Variants in ZSCAN31 observed in about 807,000 individuals in gnomAD.
The protein encoded by ZSCAN31 is zinc finger and SCAN domain-containing protein 31.
A neutral mutation model predicts 22.5 loss-of-function variants in ZSCAN31; 14 were observed. The observed-to-expected ratio is 0.62, with a 90% CI of 0.41 to 0.97. The LOEUF is 0.97. Among genes scored for constraint, ZSCAN31 ranks in the 50% least tolerant of loss-of-function variants. The pLI is 0.00. For missense variants in ZSCAN31, 424 were observed against 483.4 expected (o/e 0.88, Z 1.15); for synonymous variants, 168 against 169.8 (o/e 0.99, Z 0.08).
Position 28,327,603 on chromosome 6 carries a change from A to G in ZSCAN31, c.382-70T>C, listed in dbSNP as rs1763399165. Reference sequence around the variant, plus strand: ...AGTACAAGCTAATACTAAATGAAAGATATCACATGGAACTATATGAAACAT... The same window carrying G: ...AGTACAAGCTAATACTAAATGAAAGGTATCACATGGAACTATATGAAACAT... On this transcript the variant is annotated intron_variant, in intron 2 of 3. Transcript: ENST00000344279. 17 of 1,493,048 alleles carry G rather than the reference A, an allele frequency of 1.1e-5. No homozygotes were observed. The South Asian group carries it at 1.8e-4, about 16-fold the overall frequency. 92.5% of individuals were successfully genotyped at this position (1,493,048 alleles called of 1,614,324 possible).
In ZSCAN31 at chr6:28,331,888, T is replaced by G. The variant is rs1315689409; in HGVS notation, c.-95-2110A>C. Among the ~76,000 whole-genome samples, 1 of 152,184 alleles carries G rather than the reference T, an allele frequency of 6.6e-6. No homozygotes were observed. The highest frequency in any genetic ancestry group is 1.5e-5 in the Non-Finnish European group (1 of 68,030). ...TACCCAAAGCCACAGGTGGAGTATT[T>G]CTCCATCAATTGTATTCTTCTCCCC... On this transcript the variant is annotated intron_variant, in intron 1 of 3. Transcript: ENST00000344279. The surrounding 1 kb of genome is among the most constrained non-coding windows in gnomAD (Gnocchi z 4.8).
intron 2 of ZSCAN31, chr6:28,350,403 C>T (rs1764917911): frequency 6.6e-6 from 1 of 152,196 alleles, no homozygotes; most frequent in South Asian, 2.1e-4. Flanking sequence ...GTTTCAAGGT[C>T]TTTAAATTAT....
chr6:28,344,430 A>G (rs894362654), intron 2 of ZSCAN31, among the ~76,000 whole-genome samples: 1 of 152,200 alleles, frequency 6.6e-6, no homozygotes. Context: ...GGACTAGAGG[A>G]CAGATAAGCT....
intron 2 of ZSCAN31, among the ~76,000 whole-genome samples, chr6:28,342,236 A>G (rs1246466792): frequency 6.6e-6 from 1 of 152,230 alleles, no homozygotes; most frequent in Non-Finnish European, 1.5e-5. Context: ...CAGAGAGCTA[A>G]TTGGAAAGGA....
Position 28,326,759 on chromosome 6 carries a change from C to G in ZSCAN31, c.628G>C (p.Val210Leu). 1 of 1,613,810 alleles carries G rather than the reference C, an allele frequency of 6.2e-7. No individual in the cohort carries two copies. Among genetic ancestry groups the G allele is most frequent in the Non-Finnish European group, 8.5e-7 (1 of 1,179,846 alleles). The change falls in exon 4 of 4, where the codon GTA becomes CTA. Residue 210 changes from valine to leucine, a missense_variant. Val to Leu is a conservative substitution (Grantham distance 32, BLOSUM62 1). Transcript: ENST00000344279. ...HLGDSKLQRD[V>L]SLDSKYRETC... ...TCTCTGTACTTAGAATCCAAAGATA[C>G]ATCTCTTTGGAGTTTGCTATCCCCC...
At position 28,343,732 on chromosome 6, in the gene ZSCAN31, G is replaced by C. The variant is rs527540051; in HGVS notation, c.-370-1940C>G. ...TTTAGTAGAAACGGGGTTTCACCGT[G>C]TTAGCCAGGATAGTCTTGATCTCCT... On this transcript the variant is annotated intron_variant, in intron 2 of 7. Coordinates refer to the ZSCAN31 transcript ENST00000396838. Among the ~76,000 whole-genome samples, 10 of 151,968 alleles carry C rather than the reference G, an allele frequency of 6.6e-5. No individual in the cohort carries two copies. In the East Asian group the frequency reaches 1.2e-3, roughly 18 times the overall value.
intron 2 of ZSCAN31, among the ~76,000 whole-genome samples, chr6:28,348,305 T>TA (rs535320889): frequency 9.8e-4 from 149 of 152,228 alleles, no homozygotes; most frequent in Admixed American, 2.5e-3. Context: ...CTTGAGCTCA[T>TA]AAAAAAATGA....
intron 1 of ZSCAN31, among the ~76,000 whole-genome samples, chr6:28,334,034 T>C (rs1763954760): frequency 6.6e-6 from 1 of 152,120 alleles, no homozygotes; most frequent in Non-Finnish European, 1.5e-5. Flanking sequence ...TAGAAAGACT[T>C]CCACTTAGTT....
At position 28,327,542 on chromosome 6, in the gene ZSCAN31, A is replaced by C. The variant is rs1247866639; in HGVS notation, c.382-9T>G. ...TGTTCATGGTCTGGAGCCTGAAGGC[A>C]GGTAGGCATATTTGGTTAAAGAGGG... On this transcript the variant is annotated splice_polypyrimidine_tract_variant and intron_variant, in intron 2 of 3. Coordinates refer to ENST00000344279, the MANE Select transcript of ZSCAN31 (RefSeq NM_030899.5). 13 of 1,611,332 alleles carry C rather than the reference A, an allele frequency of 8.1e-6. No individual in the cohort carries two copies. Among genetic ancestry groups the C allele is most frequent in the Non-Finnish European group, 1.1e-5 (13 of 1,179,978 alleles).
chr6:28,350,548 A>C (rs912390497), intron 2 of ZSCAN31, among the ~76,000 whole-genome samples: 1 of 152,196 alleles, frequency 6.6e-6, no homozygotes, highest in African/African-American at 2.4e-5. Context: ...TATTTTGTAA[A>C]ATGGGGATAA....
Position 28,351,780 on chromosome 6 carries a change from C to T in ZSCAN31, c.-371+2082G>A, listed in dbSNP as rs1025520775. On this transcript the variant is annotated intron_variant, in intron 2 of 7. Coordinates refer to the ZSCAN31 transcript ENST00000396838. The surrounding 1 kb of genome is among the most constrained non-coding windows in gnomAD (Gnocchi z 4.6). ...TTTTTTTTCCTCATTTCGTCCCTCT[C>T]TTCTCTTTCATTTTATAGCAAATTG... is the stretch of plus-strand genomic sequence containing the variant. Among the ~76,000 whole-genome samples, 3 of 151,584 alleles carry T rather than the reference C, an allele frequency of 2.0e-5. No individual in the cohort carries two copies. The highest frequency in any genetic ancestry group is 4.4e-5 in the Non-Finnish European group (3 of 67,992).
intron 1 of ZSCAN31, among the ~76,000 whole-genome samples, chr6:28,332,076 C>T (rs566217405): frequency 2.0e-4 from 30 of 152,196 alleles, no homozygotes; most frequent in Admixed American, 1.8e-3. Flanking sequence ...TTCATCAAGC[C>T]ATGGTAAGGA....
intron 2 of ZSCAN31, chr6:28,353,213 C>T (rs2113895284): frequency 6.5e-6 from 1 of 152,738 alleles, no homozygotes; most frequent in East Asian, 1.9e-4. Context: ...ATGATGTGCC[C>T]ACCTCAGCCT....
At chr6:28,344,094 T>C (rs999550176) in intron 2 of ZSCAN31, among the ~76,000 whole-genome samples, 1 of 152,180 alleles carries the variant, frequency 6.6e-6, no homozygotes, top group Non-Finnish European at 1.5e-5. Flanking sequence ...TAATGTATTA[T>C]TCAGACCACA....
upstream of ZSCAN31, among the ~76,000 whole-genome samples, chr6:28,339,330 T>C (rs79419345): frequency 0.022 from 3,368 of 152,334 alleles, 183 homozygotes; most frequent in East Asian, 0.23. Flanking sequence ...GGAGTCATGC[T>C]CTATTTCCCA....
chr6:28,340,796 A>G (rs1201626218), upstream of ZSCAN31, among the ~76,000 whole-genome samples: 1 of 152,216 alleles, frequency 6.6e-6, no homozygotes, highest in Non-Finnish European at 1.5e-5. Flanking sequence ...TTATATTCAC[A>G]TACATATTCA....
chr6:28,328,802 A>G (rs891995034), intron 2 of ZSCAN31, among the ~76,000 whole-genome samples: 4 of 152,370 alleles, frequency 2.6e-5, no homozygotes, highest in Admixed American at 6.5e-5. Context: ...AAAGACAGGC[A>G]TAAGAAATTA....
At chr6:28,354,085 C>G (rs1033401895) in intron 1 of ZSCAN31, 1 of 398,508 alleles carries the variant, frequency 2.5e-6, no homozygotes, top group African/African-American at 2.1e-5. Flanking sequence ...GCCGCTCCCA[C>G]ACTTACAGCT....
intron 2 of ZSCAN31, among the ~76,000 whole-genome samples, chr6:28,328,338 A>G (rs1475929117): frequency 6.6e-6 from 1 of 152,226 alleles, no homozygotes; most frequent in Non-Finnish European, 1.5e-5. Context: ...ATTTCACCCC[A>G]GCAGTCTCAA....
Sources: allele counts gnomAD v4.1 joint callset (sites outside exome capture counted in the v4.1 genomes callset), GRCh38; gene constraint gnomAD v4.1.1; non-coding constraint Gnocchi (gnomAD v3.1); transcripts MANE v1.5; gene names NCBI Gene and HGNC (gene_info 2026-07-23, HGNC 2026-07-21).